SLC7A5: variants seen among roughly 807,000 people sequenced by gnomAD.
The protein encoded by SLC7A5 is large neutral amino acids transporter small subunit 1.
A neutral mutation model predicts 50.2 loss-of-function variants in SLC7A5; 23 were observed. That is an observed-to-expected ratio of 0.46 (90% CI 0.33 to 0.65). The LOEUF (loss-of-function observed/expected upper bound fraction) is 0.65, where lower values mean the gene tolerates loss of function less well. Ranked by LOEUF, SLC7A5 falls within the 30% of genes least tolerant of loss-of-function variation. SLC7A5 has a pLI of 0.02. For synonymous variants in SLC7A5, 393 were observed against 330.6 expected (o/e 1.19, Z -2.05); for missense variants, 578 against 684.4 (o/e 0.84, Z 1.73).
intron 8 of SLC7A5, 166 bp from the exon 9 acceptor site, chr16:87,834,757 G>A (rs958663538): frequency 1.4e-4 from 99 of 720,446 alleles, no homozygotes; most frequent in East Asian, 4.6e-4. Flanking sequence ...GGGCTGTCCC[G>A]CCCTCGACTC....
chr16:87,863,347 C>G (rs2055422212), intron 1 of SLC7A5, among the ~76,000 whole-genome samples: 1 of 152,114 alleles, frequency 6.6e-6, no homozygotes, highest in Admixed American at 6.5e-5. Context: ...TGGATGCTAC[C>G]CTACTCGCTA....
intron 7 of SLC7A5, among the ~76,000 whole-genome samples, chr16:87,837,224 A>T (rs904653279): frequency 6.6e-6 from 1 of 152,124 alleles, no homozygotes. Context: ...GCTTTGGGGG[A>T]AGCAGCCTGT....
At chr16:87,844,686 C>T (rs1006884458) in intron 2 of SLC7A5, among the ~76,000 whole-genome samples, 30 of 152,192 alleles carry the variant, frequency 2.0e-4, no homozygotes, top group African/African-American at 5.1e-4. Context: ...GAGGGCATCC[C>T]GGAACCTCAG....
At chr16:87,855,467 G>A (rs1419325380) in intron 1 of SLC7A5, among the ~76,000 whole-genome samples, 1 of 152,014 alleles carries the variant, frequency 6.6e-6, no homozygotes, top group East Asian at 1.9e-4. Flanking sequence ...GCACACACAC[G>A]CACAGCACCC....
rs1482430278 is a variant in SLC7A5, at chr16:87,862,121, G to A, written c.538+6764C>T. ...ACACAGGCCTGGACTGAGAAGTGGG[G>A]CTACAGGCTACAGGTGCTTGATACC... On this transcript the variant is annotated intron_variant, in intron 1 of 9. Coordinates refer to ENST00000261622, the MANE Select transcript of SLC7A5 (RefSeq NM_003486.7). The surrounding 1 kb of genome is among the most constrained non-coding windows in gnomAD (Gnocchi z 5.3). 6.6e-6 allele frequency among the ~76,000 whole-genome samples: 1 copy of A among 152,136 alleles called. No individual in the cohort carries two copies. Among genetic ancestry groups the A allele is most frequent in the Admixed American group, 6.5e-5 (1 of 15,284 alleles).
chr16:87,849,184 G>A (rs374567299), intron 2 of SLC7A5, among the ~76,000 whole-genome samples: 2 of 152,330 alleles, frequency 1.3e-5, no homozygotes. Flanking sequence ...CTGCTGCCAG[G>A]TGCCAGCGAG....
rs905029534 is a variant in SLC7A5, at chr16:87,833,202, C to G, written c.1469-177G>C. ...CTTGCGCATGTGGGTGCCGGGTGCC[C>G]GAGGCGCTGTCTTCAACTGAAATGC... On this transcript the variant is annotated intron_variant, in intron 9 of 9. Coordinates refer to ENST00000261622, the MANE Select transcript of SLC7A5 (RefSeq NM_003486.7). This position sits in a 1 kb window ranked among gnomAD's most constrained non-coding sequence, Gnocchi z 6.0. Among the ~76,000 whole-genome samples the G allele has an allele frequency of 1.3e-5, 2 of 152,204 alleles. No homozygotes were observed. The highest frequency in any genetic ancestry group is 2.9e-5 in the Non-Finnish European group (2 of 68,020).
At chr16:87,834,391 C>T in intron 9 of SLC7A5, 23 bp downstream of exon 9, 2 of 1,551,066 alleles carry the variant, frequency 1.3e-6, no homozygotes, top group Non-Finnish European at 1.7e-6. Flanking sequence ...GTACCACGGG[C>T]TGTGGGCCAG....
Position 87,852,833 on chromosome 16 carries a change from C to T in SLC7A5, c.539-984G>A, listed in dbSNP as rs191890034. On this transcript the variant is annotated intron_variant, in intron 1 of 9. Coordinates refer to ENST00000261622, the MANE Select transcript of SLC7A5 (RefSeq NM_003486.7). This position sits in a 1 kb window ranked among gnomAD's most constrained non-coding sequence, Gnocchi z 4.5. Reference sequence around the variant, plus strand: ...TGAGCTGGTGGGGAAACAGCCACCCCCACAACTTAAAATGAAGTAAAATCA... The same window carrying T: ...TGAGCTGGTGGGGAAACAGCCACCCTCACAACTTAAAATGAAGTAAAATCA... Among the ~76,000 whole-genome samples, 232 of 152,122 alleles carry T rather than the reference C, an allele frequency of 1.5e-3. 2 individuals carry two copies. The highest frequency in any genetic ancestry group is 5.3e-3 in the African/African-American group (220 of 41,492).
Position 87,861,955 on chromosome 16 carries a change from T to C in SLC7A5, c.538+6930A>G, listed in dbSNP as rs1422524621. 1.3e-5 allele frequency among the ~76,000 whole-genome samples: 2 copies of C among 152,204 alleles called. No individual in the cohort carries two copies. Among genetic ancestry groups the C allele is most frequent in the African/African-American group, 4.8e-5 (2 of 41,442 alleles). On this transcript the variant is annotated intron_variant, in intron 1 of 9. Transcript: ENST00000261622. The surrounding 1 kb of genome is among the most constrained non-coding windows in gnomAD (Gnocchi z 4.2). ...ACTAATCACTGGCTGCCGCCTGCAA[T>C]GAGCCCACGGCTTGAGCTCTGGGGC...
chr16:87,863,143 G>T (rs543496927), intron 1 of SLC7A5, among the ~76,000 whole-genome samples: 7 of 152,194 alleles, frequency 4.6e-5, no homozygotes, highest in Non-Finnish European at 1.0e-4. Flanking sequence ...ACACCTATGC[G>T]CTTGGAGAAG....
rs781663047 is a variant in SLC7A5 at position 87,830,148 on chromosome 16, T to C, written c.*2822A>G. ...ATAAAGAAGGTCCCAGCCACACACGTCATTACTCGGCAGAGGGTGTCCAGC... is the reference window on the plus strand; with the variant it reads ...ATAAAGAAGGTCCCAGCCACACACGCCATTACTCGGCAGAGGGTGTCCAGC... On this transcript the variant is annotated 3_prime_UTR_variant, in exon 10 of 10. Coordinates refer to ENST00000261622, the MANE Select transcript of SLC7A5 (RefSeq NM_003486.7). 1 of 152,142 alleles carries C rather than the reference T, an allele frequency of 6.6e-6. No homozygotes were observed. Among genetic ancestry groups the C allele is most frequent in the South Asian group, 2.1e-4 (1 of 4,816 alleles). 9.4% of individuals were successfully genotyped at this position (152,142 alleles called of 1,614,324 possible).
chr16:87,855,316 A>G (rs575523171), intron 1 of SLC7A5, among the ~76,000 whole-genome samples: 1 of 152,096 alleles, frequency 6.6e-6, no homozygotes, highest in South Asian at 2.1e-4. Context: ...CGGCAGTGAT[A>G]CTGACCTCAG....
At chr16:87,837,793 C>T in intron 7 of SLC7A5, 52 bp downstream of exon 7, 1 of 1,444,884 alleles carries the variant, frequency 6.9e-7, no homozygotes, top group Admixed American at 1.9e-5. Flanking sequence ...CCTCTGGGAG[C>T]CCCCGGACAA....
At chr16:87,854,420 A>T (rs766489270) in intron 1 of SLC7A5, among the ~76,000 whole-genome samples, 1 of 152,218 alleles carries the variant, frequency 6.6e-6, no homozygotes. Flanking sequence ...AAACAAATAC[A>T]TGAATTCATC....
rs763057198 is a variant in SLC7A5 at position 87,869,248 on chromosome 16, T to C, written c.175A>G (p.Ile59Val). 2 of 1,612,600 alleles carry C rather than the reference T, an allele frequency of 1.2e-6. No individual in the cohort carries two copies. The highest frequency in any genetic ancestry group is 1.7e-6 in the Non-Finnish European group (2 of 1,179,862). The part of the protein sequence containing the change: ...NITLLNGVAI[I>V]VGTIIGSGIF... The stretch of plus-strand genomic sequence containing the variant: ...CCCGAGCCGATAATGGTCCCCACGA[T>C]GATGGCCACGCCGTTGAGCAGCGTG... Residue 59 changes from isoleucine (I) to valine (V), a missense_variant, in exon 1 of 10, where the codon ATC (isoleucine) becomes GTC (valine). Transcript: ENST00000261622.
chr16:87,844,856 C>T (rs188602208), intron 2 of SLC7A5, among the ~76,000 whole-genome samples: 11 of 152,408 alleles, frequency 7.2e-5, no homozygotes, highest in South Asian at 2.1e-4. Flanking sequence ...CCAAAATTCA[C>T]GTCCAGTGGA....
chr16:87,840,628 T>A (rs1003095877), intron 3 of SLC7A5, among the ~76,000 whole-genome samples, 155 bp from the exon 4 acceptor site: 1 of 152,154 alleles, frequency 6.6e-6, no homozygotes, highest in African/African-American at 2.4e-5. Context: ...GAGCTCAGCC[T>A]CCTGCGTGTT....
rs573701281 is a variant in SLC7A5, at chr16:87,839,842, C to T, written c.816-17G>A. On this transcript the variant is annotated splice_polypyrimidine_tract_variant and intron_variant, in intron 4 of 9. Coordinates refer to ENST00000261622, the MANE Select transcript of SLC7A5 (RefSeq NM_003486.7). ...GGCAGGTTTCTGGAAAGAACAGGGA[C>T]GACATGTCACCCAACGCAGCCCGGG... 1.7e-5 allele frequency: 27 copies of T among 1,613,386 alleles called. No homozygotes were observed. Among genetic ancestry groups the T allele is most frequent in the Middle Eastern group, 1.6e-4 (1 of 6,062 alleles).
Sources: allele counts gnomAD v4.1 joint callset (sites outside exome capture counted in the v4.1 genomes callset), GRCh38; gene constraint gnomAD v4.1.1; non-coding constraint Gnocchi (gnomAD v3.1); transcripts MANE v1.5; gene names NCBI Gene and HGNC (gene_info 2026-07-23, HGNC 2026-07-21).